XNDC1N: variants seen among roughly 807,000 people sequenced by gnomAD.
XNDC1N encodes the protein protein XNDC1N.
chr11:71,906,727 T>A, the XNDC1N span, among the ~76,000 whole-genome samples: 1 of 152,180 alleles, frequency 6.6e-6, no homozygotes, highest in African/African-American at 2.4e-5. Context: ...TATAGAAGAT[T>A]ACACGTAATA....
chr11:71,877,957 C>T, the XNDC1N span, among the ~76,000 whole-genome samples: 1 of 152,170 alleles, frequency 6.6e-6, no homozygotes, highest in African/African-American at 2.4e-5. Flanking sequence ...ATCGATTGGA[C>T]AGAAAGATAA....
the XNDC1N span, among the ~76,000 whole-genome samples, chr11:71,898,106 C>G: frequency 6.6e-6 from 1 of 152,076 alleles, no homozygotes; most frequent in East Asian, 1.9e-4. Context: ...ATCGCTGGAA[C>G]CCAGGAGGCG....
At chr11:71,872,196 T>G in the XNDC1N span, among the ~76,000 whole-genome samples, 1 of 152,132 alleles carries the variant, frequency 6.6e-6, no homozygotes. Flanking sequence ...ACTCCCAGTC[T>G]TCAGATTAAA....
At chr11:71,890,374 C>G in the XNDC1N span, among the ~76,000 whole-genome samples, 3 of 152,014 alleles carry the variant, frequency 2.0e-5, no homozygotes, top group South Asian at 6.2e-4. Context: ...AACAATATCA[C>G]GGGGGATGTA....
At chr11:71,905,656 A>G in the XNDC1N span, among the ~76,000 whole-genome samples, 1 of 152,008 alleles carries the variant, frequency 6.6e-6, no homozygotes, top group Non-Finnish European at 1.5e-5. Context: ...CACATGGTGT[A>G]CACCCACTGT....
At chr11:71,903,759 T>A in the XNDC1N span, 3 of 355,798 alleles carry the variant, frequency 8.4e-6, no homozygotes, top group Admixed American at 7.8e-5. Context: ...CTGGGAACCT[T>A]CTGTGACACC....
chr11:71,919,831 A>G, the XNDC1N span, among the ~76,000 whole-genome samples: 4,256 of 136,856 alleles, frequency 0.031, 210 homozygotes, highest in African/African-American at 0.11. Context: ...GTTAGCCAGG[A>G]TGGTCTCGAT....
the XNDC1N span, among the ~76,000 whole-genome samples, chr11:71,898,775 TCTG>T: frequency 2.0e-5 from 3 of 152,104 alleles, no homozygotes; most frequent in African/African-American, 4.8e-5. Context: ...ATAAAACTGT[TCTG>T]GAGACGATGA....
chr11:71,904,300 T>C, the XNDC1N span, among the ~76,000 whole-genome samples: 2 of 152,130 alleles, frequency 1.3e-5, no homozygotes, highest in East Asian at 3.8e-4. Flanking sequence ...CCCACTGTGA[T>C]ATTAGAAGCA....
chr11:71,923,587 GCT>G, the XNDC1N span: 1 of 504,516 alleles, frequency 2.0e-6, no homozygotes, highest in South Asian at 2.3e-5. Context: ...ACAGAGTCTT[GCT>G]CTGTCACCCA....
the XNDC1N span, among the ~76,000 whole-genome samples, chr11:71,892,476 C>G: frequency 6.6e-6 from 1 of 151,950 alleles, no homozygotes; most frequent in Admixed American, 6.6e-5. Flanking sequence ...GGGTGTAGAG[C>G]CACCATGATA....
chr11:71,868,847 T>A, the XNDC1N span, among the ~76,000 whole-genome samples: 2 of 152,188 alleles, frequency 1.3e-5, no homozygotes, highest in Non-Finnish European at 2.9e-5. Flanking sequence ...GGGAAATTTT[T>A]ATGGAAGATA....
At chr11:71,902,018 G>A in the XNDC1N span, among the ~76,000 whole-genome samples, 1 of 152,068 alleles carries the variant, frequency 6.6e-6, no homozygotes, top group Non-Finnish European at 1.5e-5. Context: ...AGTAAGGACT[G>A]AGTACTGTAA....
At chr11:71,923,594 C>G in the XNDC1N span, 1 of 490,166 alleles carries the variant, frequency 2.0e-6, no homozygotes, top group East Asian at 3.6e-5. Context: ...CTTGCTCTGT[C>G]ACCCAGACTG....
the XNDC1N span, among the ~76,000 whole-genome samples, chr11:71,899,257 C>A: frequency 6.6e-6 from 1 of 152,152 alleles, no homozygotes; most frequent in Admixed American, 6.6e-5. Flanking sequence ...ACCCTGTCTT[C>A]TTGCCAGCCT....
the XNDC1N span, among the ~76,000 whole-genome samples, chr11:71,899,214 A>T: frequency 2.6e-5 from 4 of 152,162 alleles, no homozygotes; most frequent in African/African-American, 9.7e-5. Flanking sequence ...GTGGGGTTCC[A>T]GTCCTGTGGG....
chr11:71,923,755 C>T, the XNDC1N span, among the ~76,000 whole-genome samples: 1 of 152,080 alleles, frequency 6.6e-6, no homozygotes, highest in African/African-American at 2.4e-5. Flanking sequence ...TGGAGTTTCA[C>T]CGTGTTAGCC....
chr11:71,918,583 G>C, the XNDC1N span, among the ~76,000 whole-genome samples: 1 of 152,204 alleles, frequency 6.6e-6, no homozygotes, highest in African/African-American at 2.4e-5. Flanking sequence ...TGCCTGGCCG[G>C]GATTTATAAT....
chr11:71,909,543 G>A, the XNDC1N span, among the ~76,000 whole-genome samples: 17 of 152,222 alleles, frequency 1.1e-4, no homozygotes, highest in Admixed American at 3.3e-4. Flanking sequence ...TGGACTGAGG[G>A]AGACCCGGCT....
Sources: gnomAD v4.1 joint callset for allele counts (sites outside exome capture counted in the v4.1 genomes callset) on GRCh38, gnomAD v4.1.1 for gene constraint, MANE v1.5 for transcripts, NCBI Gene and HGNC (gene_info 2026-07-23, HGNC 2026-07-21) for gene names.